CNOT2: variants seen among roughly 807,000 people sequenced by gnomAD.
The protein encoded by CNOT2 is CCR4-NOT transcription complex subunit 2.
A neutral mutation model predicts 72.1 loss-of-function variants in CNOT2; 7 were observed. The observed-to-expected ratio is 0.10, with a 90% confidence interval of 0.06 to 0.18. The LOEUF (loss-of-function observed/expected upper bound fraction) is 0.18. CNOT2 is among the 10% of genes least tolerant of loss of function. The pLI is 1.00. For missense variants in CNOT2, 345 were observed against 660.3 expected (o/e 0.52, Z 5.23); for synonymous variants, 196 against 225.6 (o/e 0.87, Z 1.17).
intron 1 of CNOT2, among the ~76,000 whole-genome samples, chr12:70,268,044 A>G (rs1165963741): frequency 6.6e-6 from 1 of 152,228 alleles, no homozygotes; most frequent in Admixed American, 6.5e-5. Flanking sequence ...TGACATGTAC[A>G]CACACATATT....
At chr12:70,304,602 C>T (rs566927381) in intron 2 of CNOT2, among the ~76,000 whole-genome samples, 58 of 152,116 alleles carry the variant, frequency 3.8e-4, no homozygotes, top group Non-Finnish European at 5.6e-4. Context: ...GGGTGTCAGT[C>T]CGCCCCTACT....
At chr12:70,244,995 G>T (rs987085591) in intron 1 of CNOT2, among the ~76,000 whole-genome samples, 2 of 152,208 alleles carry the variant, frequency 1.3e-5, no homozygotes, top group African/African-American at 4.8e-5. Context: ...ATGCAAGGTT[G>T]ATGTTGAGTT....
At chr12:70,350,070 G>A (rs994264484) in intron 15 of CNOT2, among the ~76,000 whole-genome samples, 3 of 151,550 alleles carry the variant, frequency 2.0e-5, no homozygotes, top group Non-Finnish European at 4.4e-5. Flanking sequence ...TAACTTTTTA[G>A]CAGGCCATGT....
At chr12:70,307,509 G>A (rs957247103) in intron 2 of CNOT2, among the ~76,000 whole-genome samples, 6 of 152,048 alleles carry the variant, frequency 3.9e-5, no homozygotes, top group African/African-American at 1.4e-4. Context: ...GACCACCGTT[G>A]TATATATGGT....
chr12:70,284,111 G>T (rs926925939), intron 2 of CNOT2, among the ~76,000 whole-genome samples: 2 of 151,194 alleles, frequency 1.3e-5, no homozygotes, highest in Admixed American at 1.3e-4. Context: ...CCAGCTAATT[G>T]TGTATTTGTT....
At chr12:70,312,470 A>G (rs1295482392) in intron 3 of CNOT2, among the ~76,000 whole-genome samples, 1 of 151,954 alleles carries the variant, frequency 6.6e-6, no homozygotes, top group East Asian at 1.9e-4. Context: ...AATGAATGAC[A>G]AAGAGATATA....
chr12:70,338,191 G>T, intron 9 of CNOT2: 1 of 309,374 alleles, frequency 3.2e-6, no homozygotes, highest in Non-Finnish European at 5.9e-6. Flanking sequence ...TTCTGTGACT[G>T]AAGATCTGAG....
chr12:70,269,167 C>G (rs1959172222), intron 1 of CNOT2, among the ~76,000 whole-genome samples: 1 of 152,104 alleles, frequency 6.6e-6, no homozygotes, highest in African/African-American at 2.4e-5. Context: ...TGTTTTCTCT[C>G]ACTCTGTCAC....
At chr12:70,310,852 T>C in intron 2 of CNOT2, 43 bp from the exon 3 acceptor site, 1 of 1,583,790 alleles carries the variant, frequency 6.3e-7, no homozygotes, top group Non-Finnish European at 8.6e-7. Flanking sequence ...CACTGAACAT[T>C]TTCCAAAGTA....
At position 70,303,538 on chromosome 12, in the gene CNOT2, A is replaced by G. The variant is rs550312488; in HGVS notation, c.49-7357A>G. On this transcript the variant is annotated intron_variant, in intron 2 of 15. Transcript: ENST00000229195. ...ATTCTTTTCTTTAAGAATGTTGAAT[A>G]TTGGTCCCCACTCTCTTCTGGCTTG... Among the ~76,000 whole-genome samples the G allele has an allele frequency of 1.4e-3, 220 of 152,328 alleles. 1 individual carries two copies. The highest frequency in any genetic ancestry group is 5.1e-3 in the African/African-American group (210 of 41,570).
intron 3 of CNOT2, among the ~76,000 whole-genome samples, chr12:70,315,092 G>T (rs1414504865): frequency 6.6e-6 from 1 of 152,062 alleles, no homozygotes; most frequent in Non-Finnish European, 1.5e-5. Context: ...ACGAACTCCT[G>T]ACCTCAGGGG....
chr12:70,273,930 C>T (rs1868355816), intron 1 of CNOT2, among the ~76,000 whole-genome samples: 1 of 151,978 alleles, frequency 6.6e-6, no homozygotes, highest in Admixed American at 6.6e-5. Flanking sequence ...ATTATGACAA[C>T]CAGAGAGCAA....
At chr12:70,308,555 TTCTCTC>T (rs3049213) in intron 2 of CNOT2, among the ~76,000 whole-genome samples, 75 of 134,324 alleles carry the variant, frequency 5.6e-4, no homozygotes, top group African/African-American at 1.0e-3. Context: ...TTGGTATATT[TTCTCTC>T]TCTCTCTCTC....
In CNOT2 at chr12:70,353,820, T is replaced by C. The variant is rs1247410501; in HGVS notation, c.1537-9T>C. On this transcript the variant is annotated splice_polypyrimidine_tract_variant and intron_variant, in intron 15 of 15. Coordinates refer to ENST00000229195, the MANE Select transcript of CNOT2 (RefSeq NM_014515.7). ...GAAGATATCTAAATTCTTGAATTTG[T>C]TTTTATAGGAGTTCCATCTGGAATA... The C allele has an allele frequency of 6.2e-7, 1 of 1,600,246 alleles. No homozygotes were observed. Among genetic ancestry groups the C allele is most frequent in the Non-Finnish European group, 8.5e-7 (1 of 1,176,518 alleles).
intron 1 of CNOT2, among the ~76,000 whole-genome samples, chr12:70,270,226 CAG>C (rs1024105800): frequency 3.3e-5 from 5 of 152,206 alleles, no homozygotes; most frequent in Admixed American, 2.6e-4. Context: ...TATTTCTTGA[CAG>C]GGAATACAGG....
In CNOT2 at chr12:70,335,213, T is replaced by C. The variant is rs562692619; in HGVS notation, c.650-225T>C. ...TTTGTTACATCTCTAGGATTTGGGG[T>C]TTCTATTATGCTGGTTGCGTATTCC... On this transcript the variant is annotated intron_variant, in intron 7 of 15. Coordinates refer to ENST00000229195, the MANE Select transcript of CNOT2 (RefSeq NM_014515.7). 1.4e-5 allele frequency: 5 copies of C among 350,188 alleles called. No individual in the cohort carries two copies. In the South Asian group the frequency reaches 2.4e-4, roughly 17 times the overall value. 21.7% of individuals were successfully genotyped at this position (350,188 alleles called of 1,614,324 possible).
chr12:70,259,282 T>C (rs1247657774), intron 1 of CNOT2, among the ~76,000 whole-genome samples: 1 of 151,598 alleles, frequency 6.6e-6, no homozygotes, highest in Non-Finnish European at 1.5e-5. Context: ...TAGTTTTTAG[T>C]GTTGATCTAG....
chr12:70,301,734 T>TA (rs1874023723), intron 2 of CNOT2: 1 of 152,230 alleles, frequency 6.6e-6, no homozygotes. Context: ...GCTGGCCTCA[T>TA]AAAATGAATT....
intron 1 of CNOT2, among the ~76,000 whole-genome samples, chr12:70,246,131 A>G (rs753679989): frequency 6.6e-6 from 1 of 152,228 alleles, no homozygotes; most frequent in Non-Finnish European, 1.5e-5. Context: ...TGAAATAATG[A>G]GTAAGCATTA....
Sources: allele counts gnomAD v4.1 joint callset (sites outside exome capture counted in the v4.1 genomes callset), GRCh38; gene constraint gnomAD v4.1.1; transcripts MANE v1.5; gene names NCBI Gene and HGNC (gene_info 2026-07-23, HGNC 2026-07-21).